The following EPCIP variants were observed in gnomAD, a reference collection of about 807,000 sequenced individuals.
EPCIP encodes exosomal polycystin 1 interacting protein, also known as exosomal polycystin-1-interacting protein.
the EPCIP span, among the ~76,000 whole-genome samples, chr21:32,812,336 GGCCT>G: frequency 6.6e-6 from 1 of 152,192 alleles, no homozygotes. Flanking sequence ...AGAACTGTGA[GGCCT>G]GCCTGTTCTT....
chr21:32,813,478 A>C, the EPCIP span: 1 of 419,842 alleles, frequency 2.4e-6, no homozygotes, highest in Non-Finnish European at 5.0e-6. Context: ...GGTGACCCTG[A>C]CAATGGTTCT....
At chr21:32,793,007 T>C in the EPCIP span, among the ~76,000 whole-genome samples, 2 of 151,928 alleles carry the variant, frequency 1.3e-5, no homozygotes, top group Non-Finnish European at 2.9e-5. Flanking sequence ...GGCTGGAGTG[T>C]AGAGTGCAGT....
the EPCIP span, among the ~76,000 whole-genome samples, chr21:32,811,880 C>T: frequency 2.6e-5 from 4 of 152,252 alleles, no homozygotes; most frequent in East Asian, 7.7e-4. Flanking sequence ...GAATTTGACC[C>T]CCTTTCTCTC....
the EPCIP span, chr21:32,813,639 C>T: frequency 2.1e-6 from 1 of 471,256 alleles, no homozygotes; most frequent in Non-Finnish European, 4.4e-6. Context: ...CCACAGACCT[C>T]TGCCTGGCCA....
chr21:32,793,714 T>A, the EPCIP span: 2 of 1,562,660 alleles, frequency 1.3e-6, no homozygotes, highest in Non-Finnish European at 1.8e-6. Flanking sequence ...CTTCTGCAAA[T>A]TATTCATCAT....
the EPCIP span, among the ~76,000 whole-genome samples, chr21:32,796,417 A>G: frequency 6.6e-6 from 1 of 152,240 alleles, no homozygotes; most frequent in African/African-American, 2.4e-5. Context: ...AAAAAGACCA[A>G]TAAGGCTGAA....
chr21:32,798,518 T>G, the EPCIP span: 1 of 152,244 alleles, frequency 6.6e-6, no homozygotes, highest in Non-Finnish European at 1.5e-5. Flanking sequence ...AGACTGTGTC[T>G]TAAAACTTCC....
At chr21:32,794,882 CA>C in the EPCIP span, among the ~76,000 whole-genome samples, 2 of 152,200 alleles carry the variant, frequency 1.3e-5, no homozygotes, top group African/African-American at 2.4e-5. Flanking sequence ...ATGAAGCGCC[CA>C]AAAACCCCTG....
At chr21:32,806,663 G>C in the EPCIP span, among the ~76,000 whole-genome samples, 2 of 152,184 alleles carry the variant, frequency 1.3e-5, no homozygotes, top group African/African-American at 2.4e-5. Flanking sequence ...CATAGAAATA[G>C]ACTAAAGTGC....
the EPCIP span, among the ~76,000 whole-genome samples, chr21:32,805,590 G>A: frequency 1.3e-5 from 2 of 152,144 alleles, no homozygotes; most frequent in African/African-American, 4.8e-5. Context: ...TCAAACTCCT[G>A]ACCTCAAGTG....
the EPCIP span, among the ~76,000 whole-genome samples, chr21:32,811,800 CATGA>C: frequency 6.6e-6 from 1 of 152,214 alleles, no homozygotes; most frequent in East Asian, 1.9e-4. Context: ...GCGGTGCCCT[CATGA>C]ATGGATTAAT....
At chr21:32,793,063 G>A in the EPCIP span, among the ~76,000 whole-genome samples, 1 of 152,016 alleles carries the variant, frequency 6.6e-6, no homozygotes, top group Non-Finnish European at 1.5e-5. Flanking sequence ...AGGTTCAAGC[G>A]ATTCTCCTGC....
chr21:32,794,401 G>T, the EPCIP span: 2 of 1,612,876 alleles, frequency 1.2e-6, no homozygotes, highest in South Asian at 2.2e-5. Flanking sequence ...GAAGAAGACA[G>T]TGCCTGGAAG....
chr21:32,798,425 G>A, the EPCIP span: 1 of 152,280 alleles, frequency 6.6e-6, no homozygotes, highest in African/African-American at 2.4e-5. Context: ...ACAGAGGGAG[G>A]GATGATATGC....
chr21:32,793,522 C>T, the EPCIP span: 40 of 577,892 alleles, frequency 6.9e-5, no homozygotes, highest in African/African-American at 4.7e-4. Context: ...TGTCCCTGGA[C>T]GGAATCAAGT....
the EPCIP span, chr21:32,810,454 G>A: frequency 8.9e-6 from 3 of 337,876 alleles, no homozygotes; most frequent in African/African-American, 2.2e-5. Flanking sequence ...GTGCAGACGG[G>A]GTTTCACTGT....
At chr21:32,797,427 A>G in the EPCIP span, 2 of 171,556 alleles carry the variant, frequency 1.2e-5, no homozygotes, top group Non-Finnish European at 2.5e-5. Context: ...TTTTGTATTT[A>G]TAGTAGAAAT....
At chr21:32,813,703 T>G in the EPCIP span, 1 of 471,130 alleles carries the variant, frequency 2.1e-6, no homozygotes, top group Admixed American at 2.3e-5. Context: ...CAGGGTGGAA[T>G]GCGTGGTCTT....
chr21:32,796,175 C>T, the EPCIP span, among the ~76,000 whole-genome samples: 21 of 152,256 alleles, frequency 1.4e-4, no homozygotes, highest in African/African-American at 3.6e-4. Flanking sequence ...TATGTCCTAA[C>T]GAAATTGATT....
Sources: gnomAD v4.1 joint callset for allele counts (sites outside exome capture counted in the v4.1 genomes callset) on GRCh38, gnomAD v4.1.1 for gene constraint, MANE v1.5 for transcripts, NCBI Gene and HGNC (gene_info 2026-07-23, HGNC 2026-07-21) for gene names.